BCO2: variants seen among roughly 807,000 people sequenced by gnomAD.
The protein encoded by BCO2 is carotenoid-cleaving dioxygenase, mitochondrial.
A neutral mutation model predicts 65.8 loss-of-function variants in BCO2; 56 were observed. The observed-to-expected ratio is 0.85, with a 90% CI of 0.69 to 1.06. The LOEUF is 1.06. Ranked by LOEUF, BCO2 falls within the 50% of genes least tolerant of loss-of-function variation. BCO2 has a pLI of 0.00. For missense variants in BCO2, 675 were observed against 698.5 expected (o/e 0.97, Z 0.38); for synonymous variants, 233 against 242.3 (o/e 0.96, Z 0.36).
At chr11:112,202,322 AC>A in intron 8 of BCO2, 132 bp downstream of exon 8, 1 of 858,978 alleles carries the variant, frequency 1.2e-6, no homozygotes, top group Non-Finnish European at 1.7e-6. Context: ...TTGCTGTGTC[AC>A]CCAGGCTGGA....
chr11:112,179,681 T>C (rs927163518), intron 2 of BCO2, 199 bp downstream of exon 2: 3 of 587,228 alleles, frequency 5.1e-6, no homozygotes, highest in South Asian at 2.0e-5. Context: ...CTGTAGACTA[T>C]TGTAAATTTG....
In BCO2 at chr11:112,202,094, C is replaced by A. The variant is rs1241262596; in HGVS notation, c.1098C>A (p.Gly366=). ...AAATCAATGCCTTTGAGGACCAGGG[C>A]TGTGTTATAATTGATTTGTGCTGTC... ...FHQINAFEDQ[G]CVIIDLCCQD... The change falls in exon 8 of 12, where the codon GGC becomes GGA. Residue 366 remains glycine (G), a synonymous_variant. Coordinates refer to ENST00000357685, the MANE Select transcript of BCO2 (RefSeq NM_031938.7). 3.7e-6 allele frequency: 6 copies of A among 1,613,894 alleles called. No homozygotes were observed. Among genetic ancestry groups the A allele is most frequent in the Middle Eastern group, 1.6e-4 (1 of 6,062 alleles).
chr11:112,188,978 G>T (rs2135361309), intron 2 of BCO2, among the ~76,000 whole-genome samples: 1 of 152,044 alleles, frequency 6.6e-6, no homozygotes, highest in South Asian at 2.1e-4. Flanking sequence ...ATTATTGTAA[G>T]TTTTTTTGAA....
At chr11:112,177,066 A>G (rs1866906321) in intron 1 of BCO2, among the ~76,000 whole-genome samples, 1 of 152,220 alleles carries the variant, frequency 6.6e-6, no homozygotes, top group South Asian at 2.1e-4. Flanking sequence ...AATGCTTTAA[A>G]TTTGTGTATC....
At chr11:112,198,625 T>A (rs182334468) in intron 5 of BCO2, among the ~76,000 whole-genome samples, 1 of 151,958 alleles carries the variant, frequency 6.6e-6, no homozygotes, top group East Asian at 1.9e-4. Flanking sequence ...GAAGACTACT[T>A]GAGGAGTGGA....
chr11:112,176,675 G>A (rs556720970), intron 1 of BCO2, among the ~76,000 whole-genome samples: 5 of 152,254 alleles, frequency 3.3e-5, no homozygotes, highest in South Asian at 2.1e-4. Context: ...TGGTAAGGGG[G>A]ATAAGGAGCC....
At chr11:112,201,083 A>G (rs1867718717) in intron 7 of BCO2, among the ~76,000 whole-genome samples, 1 of 152,204 alleles carries the variant, frequency 6.6e-6, no homozygotes, top group Admixed American at 6.5e-5. Context: ...TTGTTCGTGC[A>G]GAAATCTTCT....
At chr11:112,213,025 A>G (rs1317975470) in intron 8 of BCO2, among the ~76,000 whole-genome samples, 2 of 152,016 alleles carry the variant, frequency 1.3e-5, no homozygotes, top group African/African-American at 4.8e-5. Context: ...TTTTCCACAC[A>G]GAGGTCTACC....
chr11:112,207,579 T>C (rs897425939), intron 8 of BCO2, among the ~76,000 whole-genome samples: 2 of 152,260 alleles, frequency 1.3e-5, no homozygotes, highest in African/African-American at 4.8e-5. Context: ...TAAGGTTTAG[T>C]GTCAAGTTAT....
At chr11:112,194,613 A>G (rs1358849230) in intron 4 of BCO2, 40 bp from the exon 5 acceptor site, 1 of 1,189,250 alleles carries the variant, frequency 8.4e-7, no homozygotes, top group Non-Finnish European at 1.3e-6. Context: ...GTGAATAGAG[A>G]TCTGCCCATT....
chr11:112,203,536 ATGG>A (rs766456744), intron 8 of BCO2, among the ~76,000 whole-genome samples: 121 of 152,384 alleles, frequency 7.9e-4, no homozygotes, highest in Middle Eastern at 3.4e-3. Flanking sequence ...AAATATTAAA[ATGG>A]TTAGTATAGT....
chr11:112,213,726 C>A lies in BCO2; in HGVS notation c.1197C>A (p.Val399=). 1.2e-6 allele frequency: 2 copies of A among 1,612,778 alleles called. No homozygotes were observed. Among genetic ancestry groups the A allele is most frequent in the African/African-American group, 2.7e-5 (2 of 74,934 alleles). ...ATCTCTTTCTTCTTCCCAAACAGGTCCATAATTCAGCAGCCAAATCTTTCC... is the reference window on the plus strand; with the variant it reads ...ATCTCTTTCTTCTTCCCAAACAGGTACATAATTCAGCAGCCAAATCTTTCC... The part of the protein sequence containing the change: ...LRKAGEGLDQ[V]HNSAAKSFPR... The change falls in exon 9 of 12, where the codon GTC becomes GTA. Residue 399 remains valine, a splice_region_variant and synonymous_variant. Coordinates refer to ENST00000357685, the MANE Select transcript of BCO2 (RefSeq NM_031938.7).
chr11:112,217,666 G>A, intron 11 of BCO2, 95 bp from the exon 12 acceptor site: 1 of 815,574 alleles, frequency 1.2e-6, no homozygotes, highest in East Asian at 2.7e-5. Context: ...TGACCAACAT[G>A]GTCTCTCCAT....
At chr11:112,216,968 T>G (rs1391783146) in intron 11 of BCO2, among the ~76,000 whole-genome samples, 1 of 152,216 alleles carries the variant, frequency 6.6e-6, no homozygotes, top group Non-Finnish European at 1.5e-5. Flanking sequence ...TGCCATGGGC[T>G]TTAGGAGGAC....
chr11:112,218,097 A>G lies in BCO2; in HGVS notation c.*223A>G, dbSNP rs112353410. ...ATATACTCATGTAACAAGCCTGCAC[A>G]TGTACCCCAGAATCTAAAATAAAAA... On this transcript the variant is annotated 3_prime_UTR_variant, in exon 12 of 12. Transcript: ENST00000357685. The G allele has an allele frequency of 7.2e-6, 3 of 414,034 alleles. No homozygotes were observed. Among genetic ancestry groups the G allele is most frequent in the Admixed American group, 4.0e-5 (1 of 25,114 alleles). The allele number at this position is 414,034 out of a possible 1,614,324, so 25.6% of individuals were successfully genotyped here.
intron 2 of BCO2, among the ~76,000 whole-genome samples, chr11:112,185,758 A>T (rs1867182623): frequency 6.6e-6 from 1 of 152,254 alleles, no homozygotes; most frequent in Non-Finnish European, 1.5e-5. Flanking sequence ...TTAAAAAAAT[A>T]TTGTGGTAAA....
intron 9 of BCO2, among the ~76,000 whole-genome samples, chr11:112,214,185 C>T (rs1246029366): frequency 2.0e-5 from 3 of 151,854 alleles, no homozygotes; most frequent in East Asian, 1.9e-4. Context: ...CTTGCTCTGG[C>T]GCCCAGACTG....
At position 112,214,785 on chromosome 11, in the gene BCO2, A is replaced by G. The variant is rs758299477; in HGVS notation, c.1356A>G (p.Leu452=). 29 of 1,613,552 alleles carry G rather than the reference A, an allele frequency of 1.8e-5. 1 individual carries two copies. In the South Asian group the frequency reaches 3.1e-4, roughly 17 times the overall value. The change falls in exon 10 of 12, where the codon CTA becomes CTG. Residue 452 remains leucine (L), a synonymous_variant. Coordinates refer to ENST00000357685, the MANE Select transcript of BCO2 (RefSeq NM_031938.7). Reference sequence around the variant, plus strand: ...AGATCTGGTGCTCTCATGAAAATCTACATCAGGAGGACCTAGAAAAGGAAG... The same window carrying G: ...AGATCTGGTGCTCTCATGAAAATCTGCATCAGGAGGACCTAGAAAAGGAAG... The part of the protein sequence containing the change: ...DGTIWCSHEN[L]HQEDLEKEGG...
intron 2 of BCO2, among the ~76,000 whole-genome samples, chr11:112,190,481 A>C (rs566874997): frequency 3.7e-4 from 57 of 152,302 alleles, no homozygotes; most frequent in African/African-American, 1.3e-3. Context: ...TTCCAGGAAA[A>C]ATAATCACAG....
Sources: allele counts gnomAD v4.1 joint callset (sites outside exome capture counted in the v4.1 genomes callset), GRCh38; gene constraint gnomAD v4.1.1; transcripts MANE v1.5; gene names NCBI Gene and HGNC (gene_info 2026-07-23, HGNC 2026-07-21).